Variants in PPCS observed in about 807,000 individuals in gnomAD.
The protein encoded by PPCS is phosphopantothenoylcysteine synthetase, also known as phosphopantothenate--cysteine ligase.
In PPCS, 17 loss-of-function variants were observed where a neutral mutation model predicts 24.6. That is an observed-to-expected ratio of 0.69 (90% CI 0.47 to 1.04). The LOEUF (loss-of-function observed/expected upper bound fraction) is 1.04. PPCS is among the 50% of genes least tolerant of loss of function. The pLI, the probability that PPCS is intolerant of heterozygous loss-of-function variation, is 0.00. For missense variants in PPCS, 360 were observed against 402.8 expected (o/e 0.89, Z 0.91); for synonymous variants, 190 against 168.3 (o/e 1.13, Z -1.00).
At position 42,456,653 on chromosome 1, in the gene PPCS, C is replaced by T. The variant is rs1265978840; in HGVS notation, c.88C>T (p.Leu30=). The T allele has an allele frequency of 5.6e-6, 9 of 1,596,074 alleles. No individual in the cohort carries two copies. The highest frequency in any genetic ancestry group is 7.7e-6 in the Non-Finnish European group (9 of 1,173,556). ...AEVMARFAAR[L]GAQGRRVVLV... Reference sequence around the variant, plus strand: ...GGTTATGGCTCGCTTCGCGGCCAGGCTGGGCGCGCAGGGCCGGCGGGTGGT... The same window carrying T: ...GGTTATGGCTCGCTTCGCGGCCAGGTTGGGCGCGCAGGGCCGGCGGGTGGT... The change falls in exon 1 of 3, where the codon CTG becomes TTG. Residue 30 remains leucine (L), a synonymous_variant. Coordinates refer to ENST00000372561, the MANE Select transcript of PPCS (RefSeq NM_024664.4).
At chr1:42,458,247 A>G (rs1196956987) in intron 2 of PPCS, among the ~76,000 whole-genome samples, 1 of 152,230 alleles carries the variant, frequency 6.6e-6, no homozygotes, top group Non-Finnish European at 1.5e-5. Flanking sequence ...CATCAGTATG[A>G]AAGACGAAGT....
At chr1:42,473,056 A>G (rs1209532116) in intron 2 of PPCS, 1 of 1,216,426 alleles carries the variant, frequency 8.2e-7, no homozygotes, top group Non-Finnish European at 1.0e-6. Context: ...ACCCACATAG[A>G]TATCTTGCAT....
downstream of PPCS, among the ~76,000 whole-genome samples, chr1:42,461,570 G>A (rs969697756): frequency 1.2e-4 from 18 of 146,912 alleles, 1 homozygote; most frequent in Non-Finnish European, 1.5e-4. Context: ...TTTTTTGAGC[G>A]GAGTCTTGCT....
At chr1:42,462,804 G>C (rs567309025), downstream of PPCS, among the ~76,000 whole-genome samples, 12 of 152,188 alleles carry the variant, frequency 7.9e-5, no homozygotes, top group South Asian at 2.1e-3. Flanking sequence ...GACAATTCTA[G>C]TCAAGCCCAG....
rs1255130263 is a variant in PPCS at position 42,456,799 on chromosome 1, C to T, written c.234C>T (p.Tyr78=). 6.2e-7 allele frequency: 1 copy of T among 1,613,266 alleles called. No individual in the cohort carries two copies. Among genetic ancestry groups the T allele is most frequent in the South Asian group, 1.1e-5 (1 of 91,072 alleles). ...CCGAGGCCTTCCTAGCCGCCGGCTA[C>T]GGGGTCCTGTTCTTGTATCGCGCTC... ...TSAEAFLAAG[Y]GVLFLYRARS... is the part of the protein sequence containing the mutation. Residue 78 remains tyrosine, a synonymous_variant, in exon 1 of 3, where the codon TAC becomes TAT. Coordinates refer to ENST00000372561, the MANE Select transcript of PPCS (RefSeq NM_024664.4).
intron 2 of PPCS, 46 bp downstream of exon 2, chr1:42,457,396 C>A: frequency 6.5e-7 from 1 of 1,534,588 alleles, no homozygotes; most frequent in Non-Finnish European, 9.0e-7. Context: ...TATAACCAAT[C>A]TTGGGTTAAT....
In PPCS at chr1:42,459,842, A is replaced by C. The variant is rs748563516; in HGVS notation, c.852A>C (p.Glu284Asp). ...CCAAGTTATTGCTATCAGAGGAAGA[A>C]ATAGAAAAAGGCGTAGAGATAGAAG... ...SETKLLLSEE[E>D]IEKGVEIEEK... The change falls in exon 3 of 3, where the codon GAA becomes GAC. Residue 284 changes from glutamate to aspartate, a missense_variant. Coordinates refer to ENST00000372561, the MANE Select transcript of PPCS (RefSeq NM_024664.4). 7.4e-6 allele frequency: 12 copies of C among 1,614,212 alleles called. No homozygotes were observed. The highest frequency in any genetic ancestry group is 8.5e-6 in the Non-Finnish European group (10 of 1,180,042).
chr1:42,466,011 T>G (rs1026323123), downstream of PPCS, among the ~76,000 whole-genome samples: 41 of 152,258 alleles, frequency 2.7e-4, no homozygotes, highest in Non-Finnish European at 5.7e-4. Context: ...GCTACAGTGT[T>G]TTCAACTTTT....
At chr1:42,469,925 G>A (rs1037623882) in intron 2 of PPCS, among the ~76,000 whole-genome samples, 4 of 152,184 alleles carry the variant, frequency 2.6e-5, no homozygotes, top group Non-Finnish European at 4.4e-5. Context: ...ATGACCCAGC[G>A]GTTGAGAAGC....
Position 42,456,938 on chromosome 1 carries a change from C to T in PPCS, c.373C>T (p.Leu125Phe), listed in dbSNP as rs1012350257. The change falls in exon 1 of 3, where the codon CTT (leucine) becomes TTT (phenylalanine). Residue 125 changes from leucine (L) to phenylalanine (F), a missense_variant. Physicochemically the swap from Leu to Phe is conservative, Grantham distance 22. Coordinates refer to ENST00000372561, the MANE Select transcript of PPCS (RefSeq NM_024664.4). ...GAGCCTGGAGGCCGAGGAGAATGCA[C>T]TTCCGGGTTTTGCTGAGGCTCTGAG... ...LLSLEAEENALPGFAEALRSY... is the reference protein window; with the variant it reads ...LLSLEAEENAFPGFAEALRSY... 1 of 1,607,626 alleles carries T rather than the reference C, an allele frequency of 6.2e-7. No individual in the cohort carries two copies. The highest frequency in any genetic ancestry group is 1.7e-5 in the Admixed American group (1 of 60,034).
intron 2 of PPCS, among the ~76,000 whole-genome samples, chr1:42,466,294 G>A (rs1442099585): frequency 2.6e-5 from 4 of 152,266 alleles, no homozygotes; most frequent in African/African-American, 9.6e-5. Context: ...ATAGGGTCCT[G>A]GCCCCTGCAA....
At chr1:42,473,372 A>G in exon 3 of PPCS, 1 of 920,798 alleles carries the variant, frequency 1.1e-6, no homozygotes, top group Non-Finnish European at 1.4e-6. Context: ...TTAAATTGAC[A>G]TATTAAAAAC....
rs116626501 is a variant in PPCS at position 42,472,999 on chromosome 1, T to C, written n.378-123T>C. The C allele has an allele frequency of 1.5e-4, 129 of 848,050 alleles. 1 individual carries two copies. The African/African-American group carries it at 1.9e-3, about 12-fold the overall frequency. 52.5% of individuals were successfully genotyped at this position (848,050 alleles called of 1,614,324 possible). A position where few individuals can be genotyped will look rare whatever the true frequency, so the allele number is the denominator to read the frequency against. On this transcript the variant is annotated intron_variant and non_coding_transcript_variant, in intron 2 of 2. Transcript: ENST00000471420. ...TTCAGGTAGCTTACTAGCTTTCTAT[T>C]GCTAGTACCCTAAAGACTAGTACTC...
At chr1:42,470,549 G>A (rs2148439778) in intron 2 of PPCS, among the ~76,000 whole-genome samples, 1 of 152,296 alleles carries the variant, frequency 6.6e-6, no homozygotes, top group East Asian at 1.9e-4. Context: ...TTGAAAGGTG[G>A]AAACAACTCC....
chr1:42,468,120 C>T (rs190866034), intron 2 of PPCS, among the ~76,000 whole-genome samples: 108 of 152,284 alleles, frequency 7.1e-4, no homozygotes, highest in Non-Finnish European at 1.4e-3. Context: ...CTCAATAACC[C>T]TCATATAGTA....
upstream of PPCS, chr1:42,456,403 GAAC>G (rs1643181844): frequency 1.2e-6 from 1 of 814,116 alleles, no homozygotes. Flanking sequence ...CTCTGGGGCA[GAAC>G]AACTACGCAT....
rs780618390 is a variant in PPCS at position 42,459,729 on chromosome 1, T to C, written c.739T>C (p.Leu247=). 1.2e-6 allele frequency: 2 copies of C among 1,614,184 alleles called. No individual in the cohort carries two copies. The highest frequency in any genetic ancestry group is 1.7e-6 in the Non-Finnish European group (2 of 1,180,034). Residue 247 remains leucine, a synonymous_variant, in exon 3 of 3, where the codon TTG becomes CTG. Transcript: ENST00000372561. ...TGTAATTAATCGAGCTCGGAAGGCT[T>C]TGGAAATTTATCAGCATCAAGTGGT... ...AIVINRARKA[L]EIYQHQVVVA... is the part of the protein sequence containing the mutation.
downstream of PPCS, among the ~76,000 whole-genome samples, chr1:42,461,364 C>G (rs1413972222): frequency 1.3e-5 from 2 of 152,140 alleles, no homozygotes; most frequent in African/African-American, 4.8e-5. Flanking sequence ...GAGACAAGGT[C>G]ATGCTTAGTC....
intron 2 of PPCS, among the ~76,000 whole-genome samples, chr1:42,472,342 A>G (rs1643797889): frequency 6.6e-6 from 1 of 152,210 alleles, no homozygotes; most frequent in Non-Finnish European, 1.5e-5. Flanking sequence ...GTCATACTGC[A>G]AACTGTTATG....
Sources: gnomAD v4.1 joint callset for allele counts (sites outside exome capture counted in the v4.1 genomes callset) on GRCh38, gnomAD v4.1.1 for gene constraint, MANE v1.5 for transcripts, NCBI Gene and HGNC (gene_info 2026-07-23, HGNC 2026-07-21) for gene names.